The following ADGRL3 variants were observed in gnomAD, a reference collection of about 807,000 sequenced individuals.
The protein encoded by ADGRL3 is adhesion G protein-coupled receptor L3.
A neutral mutation model predicts 153.5 loss-of-function variants in ADGRL3; 62 were observed. The observed-to-expected ratio is 0.40, with a 90% CI of 0.33 to 0.50. ADGRL3 has a LOEUF of 0.50. ADGRL3 is among the 20% of genes least tolerant of loss of function. ADGRL3 has a pLI of 0.47. For missense variants in ADGRL3, 1,641 were observed against 1,859.4 expected, an observed-to-expected ratio of 0.88 and a Z score of 2.16; for synonymous variants, 710 against 672.5, an observed-to-expected ratio of 1.06 and a Z score of -0.86.
chr4:61,292,071 T>C (rs913428213), intron 1 of ADGRL3, among the ~76,000 whole-genome samples: 8 of 151,582 alleles, frequency 5.3e-5, no homozygotes, highest in African/African-American at 1.9e-4. Flanking sequence ...ATGGAAACTG[T>C]GTACTGCTCA....
intron 1 of ADGRL3, among the ~76,000 whole-genome samples, chr4:61,323,588 A>G (rs1462355364): frequency 6.6e-6 from 1 of 152,124 alleles, no homozygotes; most frequent in Non-Finnish European, 1.5e-5. Flanking sequence ...GGCAGGGGCA[A>G]AATGCTGCCA....
chr4:61,519,351 G>C (rs1488325720), intron 4 of ADGRL3, among the ~76,000 whole-genome samples: 1 of 152,132 alleles, frequency 6.6e-6, no homozygotes, highest in Admixed American at 6.5e-5. Flanking sequence ...AAATAGAAAA[G>C]CTGTATTATA....
chr4:61,702,960 A>G (rs2095794734), intron 6 of ADGRL3, among the ~76,000 whole-genome samples: 1 of 152,106 alleles, frequency 6.6e-6, no homozygotes, highest in Non-Finnish European at 1.5e-5. Context: ...AGTAATGAGG[A>G]GCCATCTCTT....
chr4:61,341,961 A>G (rs2095816441), intron 1 of ADGRL3, among the ~76,000 whole-genome samples: 1 of 152,148 alleles, frequency 6.6e-6, no homozygotes, highest in Non-Finnish European at 1.5e-5. Context: ...TTTCTTATCT[A>G]TGGTTATTTA....
At chr4:61,565,785 G>C (rs1453988783) in intron 4 of ADGRL3, among the ~76,000 whole-genome samples, 9 of 152,098 alleles carry the variant, frequency 5.9e-5, no homozygotes, top group Admixed American at 5.9e-4. Flanking sequence ...GGATCTGCCT[G>C]CCTAGGCCTC....
intron 3 of ADGRL3, among the ~76,000 whole-genome samples, chr4:61,500,709 T>C (rs2098378453): frequency 6.6e-6 from 1 of 152,226 alleles, no homozygotes; most frequent in Non-Finnish European, 1.5e-5. Context: ...AAAATAATGA[T>C]GATGACTACT....
chr4:61,879,967 C>T (rs1021516645), intron 9 of ADGRL3, among the ~76,000 whole-genome samples: 4 of 152,158 alleles, frequency 2.6e-5, no homozygotes, highest in Non-Finnish European at 5.9e-5. Flanking sequence ...CTCAAGCAAT[C>T]CTCATACCTC....
chr4:61,699,621 G>A (rs1356124509), intron 6 of ADGRL3, among the ~76,000 whole-genome samples: 1 of 152,022 alleles, frequency 6.6e-6, no homozygotes, highest in Non-Finnish European at 1.5e-5. Context: ...GGATATAGAA[G>A]AGTTAATAGA....
At chr4:61,664,014 T>C (rs941408557) in intron 5 of ADGRL3, among the ~76,000 whole-genome samples, 4 of 152,158 alleles carry the variant, frequency 2.6e-5, no homozygotes, top group Admixed American at 2.6e-4. Context: ...TGAATAGATG[T>C]CATCCATTTG....
chr4:61,884,823 C>T (rs1277017149), intron 9 of ADGRL3, among the ~76,000 whole-genome samples: 3 of 151,382 alleles, frequency 2.0e-5, no homozygotes, highest in South Asian at 2.1e-4. Context: ...CAGGTTTTTG[C>T]CGTGTTGGTC....
intron 8 of ADGRL3, among the ~76,000 whole-genome samples, chr4:61,735,378 G>T (rs1308031702): frequency 6.6e-6 from 1 of 152,176 alleles, no homozygotes. Flanking sequence ...GACTAAATAT[G>T]CAATAGCAAC....
chr4:61,933,686 C>A (rs1447052541), intron 13 of ADGRL3, among the ~76,000 whole-genome samples: 1 of 152,108 alleles, frequency 6.6e-6, no homozygotes, highest in Non-Finnish European at 1.5e-5. Context: ...TAATTGGCAG[C>A]CAAGGTGTTT....
intron 1 of ADGRL3, among the ~76,000 whole-genome samples, chr4:61,338,393 CTGTGTG>C (rs4038726): frequency 8.7e-5 from 13 of 149,978 alleles, no homozygotes; most frequent in East Asian, 2.0e-4. Context: ...CAGTGTGTGT[CTGTGTG>C]TGTGTGTGTG....
At chr4:61,807,171 A>G (rs1237717210) in intron 8 of ADGRL3, among the ~76,000 whole-genome samples, 1 of 152,066 alleles carries the variant, frequency 6.6e-6, no homozygotes, top group Non-Finnish European at 1.5e-5. Context: ...AGTACTTGGT[A>G]TCAATCACAT....
chr4:61,653,831 G>A (rs1247657983), intron 5 of ADGRL3, among the ~76,000 whole-genome samples: 3 of 152,128 alleles, frequency 2.0e-5, no homozygotes, highest in Non-Finnish European at 4.4e-5. Flanking sequence ...GACATGAAGT[G>A]GGCGCACATG....
intron 2 of ADGRL3, among the ~76,000 whole-genome samples, chr4:61,410,271 A>T (rs193134066): frequency 6.6e-6 from 1 of 152,280 alleles, no homozygotes; most frequent in Admixed American, 6.5e-5. Context: ...AAACTACCAG[A>T]ATTATACAAA....
At chr4:61,939,839 T>C (rs570808398) in intron 15 of ADGRL3, among the ~76,000 whole-genome samples, 71 of 152,320 alleles carry the variant, frequency 4.7e-4, no homozygotes, top group African/African-American at 1.4e-3. Flanking sequence ...CTCAATTCGT[T>C]AACCTGACAA....
chr4:61,414,941 A>G (rs2097129773), intron 2 of ADGRL3, among the ~76,000 whole-genome samples: 2 of 152,052 alleles, frequency 1.3e-5, no homozygotes, highest in Admixed American at 1.3e-4. Context: ...AATATTATCT[A>G]TTTACTCTGC....
chr4:61,424,896 AC>A (rs1432430784), intron 2 of ADGRL3, among the ~76,000 whole-genome samples: 4 of 152,114 alleles, frequency 2.6e-5, no homozygotes, highest in African/African-American at 9.7e-5. Context: ...AAAAGTGGGA[AC>A]GTAGCACCTC....
Sources: allele counts gnomAD v4.1 joint callset (sites outside exome capture counted in the v4.1 genomes callset), GRCh38; gene constraint gnomAD v4.1.1; transcripts MANE v1.5; gene names NCBI Gene and HGNC (gene_info 2026-07-23, HGNC 2026-07-21).